Variants in FBXL18 observed in about 807,000 individuals in gnomAD.
The protein encoded by FBXL18 is F-box and leucine rich repeat protein 18.
A neutral mutation model predicts 46.0 loss-of-function variants in FBXL18; 36 were observed. That is an observed-to-expected ratio of 0.78 (90% CI 0.60 to 1.03). The LOEUF is 1.03. FBXL18 is among the 50% of genes least tolerant of loss of function. FBXL18 has a pLI of 0.00. For missense variants in FBXL18, 977 were observed against 1,004.1 expected, an observed-to-expected ratio of 0.97 and a Z score of 0.36; for synonymous variants, 557 against 465.3, an observed-to-expected ratio of 1.20 and a Z score of -2.54.
intron 1 of FBXL18, among the ~76,000 whole-genome samples, chr7:5,508,845 G>A (rs1311563277): frequency 6.6e-6 from 1 of 152,070 alleles, no homozygotes; most frequent in East Asian, 1.9e-4. Context: ...TGCCATCACA[G>A]AGCTCACGTG....
At chr7:5,509,154 C>A (rs945820947) in intron 1 of FBXL18, among the ~76,000 whole-genome samples, 1 of 149,028 alleles carries the variant, frequency 6.7e-6, no homozygotes, top group Non-Finnish European at 1.5e-5. Flanking sequence ...GATCGCACCA[C>A]TGCACTCCAG....
At chr7:5,456,120 C>A (rs567557556) in intron 4 of FBXL18, among the ~76,000 whole-genome samples, 1 of 151,638 alleles carries the variant, frequency 6.6e-6, no homozygotes, top group African/African-American at 2.4e-5. Flanking sequence ...TCCCACCTAA[C>A]GTCATCATGG....
chr7:5,471,162 A>T (rs530570097), downstream of FBXL18, among the ~76,000 whole-genome samples: 4 of 152,272 alleles, frequency 2.6e-5, no homozygotes, highest in East Asian at 7.7e-4. Flanking sequence ...CTATCCTGCA[A>T]GTTCAACGCC....
rs1439718168 is a variant in FBXL18 at position 5,463,749 on chromosome 7, T to A, written c.2001-15906A>T. Among the ~76,000 whole-genome samples, 34 of 93,914 alleles carry A rather than the reference T, an allele frequency of 3.6e-4. 1 individual carries two copies. The highest frequency in any genetic ancestry group is 3.4e-4 in the South Asian group (1 of 2,928). The allele number at this position is 93,914 out of a possible 152,430, so 61.6% of individuals were successfully genotyped here. ...ATTTATTTTTTTTTTTTTTTTTTTT[T>A]TTTTTTTTTGAGACGGAGTCTCGCT... On this transcript the variant is annotated intron_variant and NMD_transcript_variant, in intron 4 of 6. Coordinates refer to the FBXL18 transcript ENST00000415009.
rs150321967 is a variant in FBXL18, at chr7:5,470,179, T to C, written c.2000+21052A>G. On this transcript the variant is annotated intron_variant and NMD_transcript_variant, in intron 4 of 6. Transcript: ENST00000415009. ...GGCACCTCCCCTGCCAGCCATCATC[T>C]TCCCCAGGCTCTGCAAGGCTCAGCT... Among the ~76,000 whole-genome samples, 279 of 152,256 alleles carry C rather than the reference T, an allele frequency of 1.8e-3. 1 individual carries two copies. Among genetic ancestry groups the C allele is most frequent in the African/African-American group, 6.3e-3 (262 of 41,548 alleles).
At chr7:5,490,222 C>T (rs1783885801) in intron 4 of FBXL18, 7 of 1,332,418 alleles carry the variant, frequency 5.3e-6, no homozygotes, top group African/African-American at 3.0e-5. Flanking sequence ...CCTGCAGGGA[C>T]ACGAACACTC....
intron 4 of FBXL18, among the ~76,000 whole-genome samples, chr7:5,488,921 C>T (rs1239154179): frequency 2.0e-5 from 3 of 152,202 alleles, no homozygotes; most frequent in African/African-American, 7.2e-5. Flanking sequence ...AGCCTGTGAC[C>T]CACTCAGCCC....
chr7:5,470,227 G>C (rs189875239), intron 4 of FBXL18, among the ~76,000 whole-genome samples: 1 of 152,134 alleles, frequency 6.6e-6, no homozygotes, highest in Admixed American at 6.5e-5. Flanking sequence ...AGGGGGCCTG[G>C]CACACAGAGG....
chr7:5,496,690 CG>C lies in FBXL18; in HGVS notation c.1781+3797del, dbSNP rs1335680747. Among the ~76,000 whole-genome samples the C allele has an allele frequency of 6.6e-6, 1 of 152,048 alleles. No homozygotes were observed. The highest frequency in any genetic ancestry group is 1.5e-5 in the Non-Finnish European group (1 of 67,976). Reference sequence around the variant, plus strand: ...TGAGCCCAGGAGTTCAAGACCAGCCCGGGCAACACAGCAAGACCCCGTCTCT... The same window carrying C: ...TGAGCCCAGGAGTTCAAGACCAGCCCGGCAACACAGCAAGACCCCGTCTCT... On this transcript the variant is annotated intron_variant, in intron 3 of 4. Coordinates refer to ENST00000382368, the MANE Select transcript of FBXL18 (RefSeq NM_024963.6). The surrounding 1 kb of genome is among the most constrained non-coding windows in gnomAD (Gnocchi z 4.8).
At position 5,478,797 on chromosome 7, in the gene FBXL18, G is replaced by C. The variant is rs1372497663; in HGVS notation, c.*2978C>G. ...GTACACACAGGCACACGTGCACGCA[G>C]GCACACGCATGCAGGCACATGTGCA... On this transcript the variant is annotated 3_prime_UTR_variant, in exon 5 of 5. Coordinates refer to ENST00000382368, the MANE Select transcript of FBXL18 (RefSeq NM_024963.6). The C allele has an allele frequency of 6.6e-6, 1 of 151,810 alleles. No individual in the cohort carries two copies. The highest frequency in any genetic ancestry group is 2.4e-5 in the African/African-American group (1 of 41,246). 9.4% of individuals were successfully genotyped at this position (151,810 alleles called of 1,614,324 possible).
At position 5,506,310 on chromosome 7, in the gene FBXL18, G is replaced by C. The variant is rs184992811; in HGVS notation, c.19-680C>G. Among the ~76,000 whole-genome samples the C allele has an allele frequency of 4.2e-3, 628 of 149,520 alleles. 5 individuals are homozygous for C. Among genetic ancestry groups the C allele is most frequent in the African/African-American group, 0.015 (611 of 40,534 alleles). On this transcript the variant is annotated intron_variant, in intron 1 of 4. Transcript: ENST00000382368. ...GTCACCCAGGGTGGAGTGCAGTGGC[G>C]CAATCTCGGTTCACTGCAACCTCCG...
chr7:5,491,282 G>A lies in FBXL18; in HGVS notation c.1949C>T (p.Thr650Ile), dbSNP rs1353324587. The A allele has an allele frequency of 6.2e-7, 1 of 1,613,190 alleles. No individual in the cohort carries two copies. The highest frequency in any genetic ancestry group is 1.7e-5 in the Admixed American group (1 of 59,954). Residue 650 changes from threonine to isoleucine, a missense_variant, in exon 4 of 5, where the codon ACC becomes ATC. Physicochemically the swap from Thr to Ile is moderately conservative, Grantham distance 89. Coordinates refer to ENST00000382368, the MANE Select transcript of FBXL18 (RefSeq NM_024963.6). Reference protein sequence around the residue: ...CLQVVMCHLFTGESLATCKSL... With the variant: ...CLQVVMCHLFIGESLATCKSL... ...CTTGCAGGTGGCGAGGGACTCCCCG[G>A]TGAACAGGTGGCACATGACAACCTG...
chr7:5,482,279 G>T (rs1333609544), intron 4 of FBXL18, among the ~76,000 whole-genome samples: 1 of 152,180 alleles, frequency 6.6e-6, no homozygotes, highest in African/African-American at 2.4e-5. Context: ...CCCACTGCAG[G>T]AGTGGCAGAT....
chr7:5,475,046 T>C (rs1584192812), downstream of FBXL18, among the ~76,000 whole-genome samples: 1 of 142,202 alleles, frequency 7.0e-6, no homozygotes, highest in African/African-American at 2.5e-5. This position sits in a 1 kb window ranked among gnomAD's most constrained non-coding sequence, Gnocchi z 4.2. Context: ...GGTCCAGGCC[T>C]GGTGGCTCAC....
chr7:5,498,376 G>A (rs1481961349), intron 3 of FBXL18, among the ~76,000 whole-genome samples: 1 of 151,404 alleles, frequency 6.6e-6, no homozygotes, highest in Non-Finnish European at 1.5e-5. Flanking sequence ...GTGAGCCACG[G>A]CGCCCGGCCG....
intron 1 of FBXL18, among the ~76,000 whole-genome samples, chr7:5,511,581 G>A (rs1043904971): frequency 2.6e-4 from 39 of 151,428 alleles, no homozygotes; most frequent in Non-Finnish European, 4.9e-4. Context: ...ACTCCAGCCT[G>A]GGCAAAAAGG....
intron 1 of FBXL18, among the ~76,000 whole-genome samples, chr7:5,510,619 G>C (rs1784508199): frequency 1.3e-5 from 2 of 151,036 alleles, no homozygotes; most frequent in African/African-American, 4.9e-5. Context: ...CCGGGAAGTG[G>C]TGGCTTCAGT....
chr7:5,471,045 G>A (rs1238406232), downstream of FBXL18, among the ~76,000 whole-genome samples: 6 of 152,270 alleles, frequency 3.9e-5, no homozygotes, highest in East Asian at 5.8e-4. Flanking sequence ...CACTAGCTGC[G>A]TGGCCTTAAG....
At chr7:5,493,949 C>T (rs1293595044) in intron 3 of FBXL18, among the ~76,000 whole-genome samples, 2 of 151,364 alleles carry the variant, frequency 1.3e-5, no homozygotes, top group African/African-American at 2.4e-5. Context: ...GCCAACATGG[C>T]AAAACCCTGT....
Sources: gnomAD v4.1 joint callset for allele counts (sites outside exome capture counted in the v4.1 genomes callset) on GRCh38, gnomAD v4.1.1 for gene constraint, Gnocchi (gnomAD v3.1) non-coding constraint, MANE v1.5 for transcripts, NCBI Gene and HGNC (gene_info 2026-07-23, HGNC 2026-07-21) for gene names.